The following DLG1 variants were observed in gnomAD, a reference collection of about 807,000 sequenced individuals.
The protein encoded by DLG1 is discs large MAGUK scaffold protein 1, also known as disks large homolog 1.
DLG1 carries 42 observed loss-of-function variants against 123.4 expected under a neutral mutation model. That is an observed-to-expected ratio of 0.34 (90% confidence interval 0.27 to 0.44). DLG1 has a LOEUF of 0.44. Ranked by LOEUF, DLG1 falls within the 20% of genes least tolerant of loss-of-function variation. DLG1 has a pLI of 1.00. For missense variants in DLG1, 942 were observed against 1,082.6 expected, an observed-to-expected ratio of 0.87 and a Z score of 1.82; for synonymous variants, 317 against 356.2, an observed-to-expected ratio of 0.89 and a Z score of 1.24.
chr3:197,142,872 AC>A (rs1364209591), intron 6 of DLG1, 104 bp from the exon 7 acceptor site: 1 of 793,332 alleles, frequency 1.3e-6, no homozygotes, highest in Non-Finnish European at 2.1e-6. Flanking sequence ...GTTGAATGCG[AC>A]AGTAATCAAA....
chr3:197,178,474 C>T (rs1321064552), intron 5 of DLG1, among the ~76,000 whole-genome samples: 3 of 151,890 alleles, frequency 2.0e-5, no homozygotes, highest in African/African-American at 4.8e-5. Flanking sequence ...GATGCTTAAC[C>T]GAAGTGGAGA....
chr3:197,082,040 T>C (rs1283186994), intron 16 of DLG1, among the ~76,000 whole-genome samples: 1 of 152,236 alleles, frequency 6.6e-6, no homozygotes, highest in African/African-American at 2.4e-5. Context: ...TTAGTTTTAC[T>C]ATGGGTACAG....
At chr3:197,075,600 A>G (rs1746716069) in intron 18 of DLG1, among the ~76,000 whole-genome samples, 1 of 152,168 alleles carries the variant, frequency 6.6e-6, no homozygotes, top group Admixed American at 6.5e-5. Flanking sequence ...CAAAAAGGAA[A>G]ATATAGTTAC....
chr3:197,149,456 G>A (rs1017401016), intron 6 of DLG1, among the ~76,000 whole-genome samples: 2 of 152,046 alleles, frequency 1.3e-5, no homozygotes, highest in African/African-American at 4.8e-5. Context: ...CACTGTGTAA[G>A]CAACCAATGG....
At position 197,234,262 on chromosome 3, in the gene DLG1, C is replaced by T. The variant is rs561951664; in HGVS notation, c.319-39673G>A. On this transcript the variant is annotated intron_variant, in intron 4 of 24. Transcript: ENST00000667157. Reference sequence around the variant, plus strand: ...TGTCCAGTTCTAATACACAGACAGGCTTACAACCCCAGATGATCCAATTAA... The same window carrying T: ...TGTCCAGTTCTAATACACAGACAGGTTTACAACCCCAGATGATCCAATTAA... Among the ~76,000 whole-genome samples the T allele has an allele frequency of 5.3e-5, 8 of 152,328 alleles. No individual in the cohort carries two copies. In the East Asian group the frequency reaches 1.4e-3, roughly 26 times the overall value.
chr3:197,124,788 G>C (rs776014112), intron 11 of DLG1, among the ~76,000 whole-genome samples: 6 of 152,118 alleles, frequency 3.9e-5, no homozygotes, highest in Non-Finnish European at 8.8e-5. Context: ...AGGAAAATCA[G>C]CTCTCGGTGA....
intron 4 of DLG1, among the ~76,000 whole-genome samples, chr3:197,248,010 T>C (rs1438566958): frequency 1.3e-5 from 2 of 152,068 alleles, no homozygotes; most frequent in African/African-American, 2.4e-5. Context: ...GACTCCTTTA[T>C]AGGAGGGCCG....
Position 197,066,730 on chromosome 3 carries a change from G to A in DLG1, c.2072C>T (p.Ser691Phe), listed in dbSNP as rs777149136. 1 of 1,605,342 alleles carries A rather than the reference G, an allele frequency of 6.2e-7. No homozygotes were observed. Among genetic ancestry groups the A allele is most frequent in the Non-Finnish European group, 8.5e-7 (1 of 1,173,504 alleles). ...TTCTTGTTGATTCACTGGTTCATAA[G>A]ATAAGACGTATTCTTCTTGACCACC... The part of the protein sequence containing the change: ...SYRGQEEYVL[S>F]YEPVNQQEVN... The change falls in exon 20 of 25, where the codon TCT becomes TTT. Residue 691 changes from serine (S) to phenylalanine (F), a missense_variant. Transcript: ENST00000667157.
intron 22 of DLG1, 42 bp downstream of exon 22, chr3:197,065,234 A>G (rs369253054): frequency 1.3e-6 from 2 of 1,542,646 alleles, no homozygotes; most frequent in African/African-American, 2.8e-5. Flanking sequence ...TCAAAGGCAT[A>G]TCTGATTAGA....
intron 5 of DLG1, among the ~76,000 whole-genome samples, chr3:197,160,582 T>TTA (rs1261882712): frequency 6.6e-6 from 1 of 152,134 alleles, no homozygotes; most frequent in Non-Finnish European, 1.5e-5. Context: ...TAATCAAAAA[T>TTA]TATATAGTAG....
rs114476698 is a variant in DLG1 at position 197,186,970 on chromosome 3, A to G, written c.483+7455T>C. ...AAAAACCCACCAAAAACCCAAAGTA[A>G]CTACAAAGCTAATGTAACGTAAATG... On this transcript the variant is annotated intron_variant, in intron 5 of 24. Transcript: ENST00000667157. Among the ~76,000 whole-genome samples, 916 of 152,340 alleles carry G rather than the reference A, an allele frequency of 6.0e-3. 5 individuals are homozygous for G. The highest frequency in any genetic ancestry group is 0.021 in the South Asian group (103 of 4,828).
At chr3:197,161,689 A>C in intron 5 of DLG1, 1 of 1,578,436 alleles carries the variant, frequency 6.3e-7, no homozygotes, top group Non-Finnish European at 8.6e-7. Flanking sequence ...GACTGGCAGG[A>C]CAGGGATCAC....
At chr3:197,274,495 TACGACACGAC>T (rs567690670) in intron 4 of DLG1, among the ~76,000 whole-genome samples, 21 of 148,164 alleles carry the variant, frequency 1.4e-4, no homozygotes, top group East Asian at 3.9e-4. Context: ...AAAGATACAA[TACGACACGAC>T]ACGACACGAC....
At chr3:197,052,911 CAAACA>C (rs1728930999) in intron 23 of DLG1, among the ~76,000 whole-genome samples, 1 of 152,148 alleles carries the variant, frequency 6.6e-6, no homozygotes, top group South Asian at 2.1e-4. Flanking sequence ...TGAAGAAACA[CAAACA>C]AAACTTATGA....
intron 5 of DLG1, among the ~76,000 whole-genome samples, chr3:197,159,164 C>T (rs914041285): frequency 1.3e-5 from 2 of 152,124 alleles, no homozygotes; most frequent in South Asian, 4.1e-4. Context: ...ACTATAAACT[C>T]CACGTTCTTT....
chr3:197,142,671 A>G (rs376167605), intron 7 of DLG1, 47 bp downstream of exon 7: 1 of 1,375,692 alleles, frequency 7.3e-7, no homozygotes, highest in Admixed American at 2.0e-5. Flanking sequence ...AAAAAGCAGT[A>G]TATTACAAAG....
At chr3:197,149,000 C>T (rs371596175) in intron 6 of DLG1, among the ~76,000 whole-genome samples, 1 of 152,102 alleles carries the variant, frequency 6.6e-6, no homozygotes, top group Non-Finnish European at 1.5e-5. Flanking sequence ...TTTTAATTTG[C>T]ATTTATGTTA....
At chr3:197,097,113 T>C (rs925752630) in intron 14 of DLG1, among the ~76,000 whole-genome samples, 10 of 152,240 alleles carry the variant, frequency 6.6e-5, no homozygotes, top group Admixed American at 6.5e-4. Context: ...CTATTATCCC[T>C]ATCCTACTCA....
At chr3:197,258,429 G>A (rs1197246660) in intron 4 of DLG1, among the ~76,000 whole-genome samples, 6 of 144,382 alleles carry the variant, frequency 4.2e-5, no homozygotes, top group East Asian at 2.2e-4. Flanking sequence ...TAGTTATGGG[G>A]GGGCGGGGGG....
Sources: allele counts gnomAD v4.1 joint callset (sites outside exome capture counted in the v4.1 genomes callset), GRCh38; gene constraint gnomAD v4.1.1; transcripts MANE v1.5; gene names NCBI Gene and HGNC (gene_info 2026-07-23, HGNC 2026-07-21).